The following MTERF2 variants were observed in gnomAD, a reference collection of about 807,000 sequenced individuals.
The protein encoded by MTERF2 is mitochondrial transcription termination factor 2.
MTERF2 carries 23 observed loss-of-function variants against 29.2 expected under a neutral mutation model. The observed-to-expected ratio is 0.79, with a 90% CI of 0.57 to 1.12. The LOEUF (loss-of-function observed/expected upper bound fraction) is 1.12, where lower values mean the gene tolerates loss of function less well. Ranked by LOEUF, MTERF2 falls within the 50% of genes most tolerant of loss-of-function variation. The pLI, the probability that MTERF2 is intolerant of heterozygous loss-of-function variation, is 0.00. For missense variants in MTERF2, 440 were observed against 429.4 expected (o/e 1.02, Z -0.22); for synonymous variants, 157 against 159.5 (o/e 0.98, Z 0.12).
chr12:106,978,264 G>C lies in MTERF2; in HGVS notation c.451C>G (p.Leu151Val). Residue 151 changes from leucine (L) to valine (V), a missense_variant, in exon 3 of 3, where the codon CTG becomes GTG. Physicochemically the swap from Leu to Val is conservative, Grantham distance 32. Transcript: ENST00000240050. ...FTIKDQENQKLNVQFFQELGL... is the reference protein window; with the variant it reads ...FTIKDQENQKVNVQFFQELGL... ...AACTCTTGAAAGAACTGAACATTCA[G>C]CTTCTGGTTCTCTTGGTCTTTAATA... is the stretch of plus-strand genomic sequence containing the variant. 1 of 1,613,980 alleles carries C rather than the reference G, an allele frequency of 6.2e-7. No individual in the cohort carries two copies. The highest frequency in any genetic ancestry group is 1.3e-5 in the African/African-American group (1 of 75,034).
At chr12:106,980,096 C>T (rs1164139404) in intron 2 of MTERF2, among the ~76,000 whole-genome samples, 1 of 152,086 alleles carries the variant, frequency 6.6e-6, no homozygotes, top group Non-Finnish European at 1.5e-5. Context: ...CGAGGTTTCA[C>T]CATGTTGGCC....
chr12:106,984,549 C>T (rs1952088494), intron 2 of MTERF2, among the ~76,000 whole-genome samples: 1 of 152,124 alleles, frequency 6.6e-6, no homozygotes, highest in African/African-American at 2.4e-5. Flanking sequence ...TGTGGTTTGG[C>T]TGTGTCCCCA....
intron 1 of MTERF2, chr12:106,985,769 C>A (rs1015506293): frequency 6.6e-6 from 1 of 152,268 alleles, no homozygotes; most frequent in Non-Finnish European, 1.5e-5. Context: ...ACTTATTATG[C>A]TCTTACAAGT....
Position 106,978,177 on chromosome 12 carries a change from G to A in MTERF2, c.538C>T (p.Pro180Ser), listed in dbSNP as rs1306924457. 6.2e-7 allele frequency: 1 copy of A among 1,613,956 alleles called. No individual in the cohort carries two copies. The highest frequency in any genetic ancestry group is 1.3e-5 in the African/African-American group (1 of 75,020). ...LTAAPNVFHN[P>S]VEKNKQMVRI... ...ACCATTTGCTTATTCTTCTCAACAG[G>A]ATTATGAAAAACATTAGGTGCAGCT... The change falls in exon 3 of 3, where the codon CCT becomes TCT. Residue 180 changes from proline to serine, a missense_variant. Transcript: ENST00000240050.
rs1485879653 is a variant in MTERF2, at chr12:106,978,331, C to T, written c.384G>A (p.Glu128=). Residue 128 remains glutamate (E), a synonymous_variant, in exon 3 of 3, where the codon GAG becomes GAA. Coordinates refer to ENST00000240050, the MANE Select transcript of MTERF2 (RefSeq NM_001033050.3). ...LWQLVCKNEE[E]LIKLIEQFPE... is the part of the protein sequence containing the mutation. Reference sequence around the variant, plus strand: ...GAAACTGCTCTATTAACTTGATTAACTCTTCCTCATTTTTGCAGACCAACT... The same window carrying T: ...GAAACTGCTCTATTAACTTGATTAATTCTTCCTCATTTTTGCAGACCAACT... The T allele has an allele frequency of 6.2e-7, 1 of 1,614,206 alleles. No homozygotes were observed. The highest frequency in any genetic ancestry group is 8.5e-7 in the Non-Finnish European group (1 of 1,180,046).
chr12:106,977,906 G>T lies in MTERF2; in HGVS notation c.809C>A (p.Ser270Tyr). The T allele has an allele frequency of 6.2e-7, 1 of 1,614,002 alleles. No individual in the cohort carries two copies. The highest frequency in any genetic ancestry group is 8.5e-7 in the Non-Finnish European group (1 of 1,179,994). The change falls in exon 3 of 3, where the codon TCT becomes TAT. Residue 270 changes from serine (S) to tyrosine (Y), a missense_variant. By Grantham distance (144) the Ser-to-Tyr change is moderately radical. Coordinates refer to ENST00000240050, the MANE Select transcript of MTERF2 (RefSeq NM_001033050.3). ...PRSIQNSISF[S>Y]KNAFKCTDHD... is the part of the protein sequence containing the mutation. ...ATCTGTGCATTTAAAAGCATTTTTA[G>T]AGAAGGAAATACTATTCTGTATACT...
chr12:106,978,697 C>T lies in MTERF2; in HGVS notation c.18G>A (p.Leu6=), dbSNP rs1952021004. MLWKL[L]LRSQSCRLCS... ...ACAGCCTGCAGGACTGGGATCTCAGCAGCAGCTTCCACAACATGGCTGCAA... is the reference window on the plus strand; with the variant it reads ...ACAGCCTGCAGGACTGGGATCTCAGTAGCAGCTTCCACAACATGGCTGCAA... The change falls in exon 3 of 3, where the codon CTG becomes CTA. Residue 6 remains leucine, a synonymous_variant. Coordinates refer to ENST00000240050, the MANE Select transcript of MTERF2 (RefSeq NM_001033050.3). The T allele has an allele frequency of 6.2e-7, 1 of 1,613,204 alleles. No homozygotes were observed.
chr12:106,978,271 G>C lies in MTERF2; in HGVS notation c.444C>G (p.Asn148Lys), dbSNP rs754104502. 4 of 1,613,976 alleles carry C rather than the reference G, an allele frequency of 2.5e-6. No individual in the cohort carries two copies. The Admixed American group carries it at 6.7e-5, about 27-fold the overall frequency. ...GAAAGAACTGAACATTCAGCTTCTG[G>C]TTCTCTTGGTCTTTAATAGTAAAGA... ...ESFFTIKDQE[N>K]QKLNVQFFQE... is the part of the protein sequence containing the mutation. Residue 148 changes from asparagine (N) to lysine (K), a missense_variant, in exon 3 of 3, where the codon AAC (asparagine) becomes AAG (lysine). Coordinates refer to ENST00000240050, the MANE Select transcript of MTERF2 (RefSeq NM_001033050.3).
At chr12:106,979,556 A>T (rs1296799543) in intron 2 of MTERF2, among the ~76,000 whole-genome samples, 1 of 152,228 alleles carries the variant, frequency 6.6e-6, no homozygotes, top group Non-Finnish European at 1.5e-5. Context: ...CTTGGCCAAC[A>T]TGGTGAAACC....
At chr12:106,980,112 G>A (rs1042358438) in intron 2 of MTERF2, among the ~76,000 whole-genome samples, 1 of 152,042 alleles carries the variant, frequency 6.6e-6, no homozygotes, top group Non-Finnish European at 1.5e-5. Flanking sequence ...TGGCCAGGAT[G>A]GTCTCGATCT....
intron 2 of MTERF2, among the ~76,000 whole-genome samples, chr12:106,980,124 T>C (rs1056985428): frequency 2.0e-5 from 3 of 152,108 alleles, no homozygotes; most frequent in African/African-American, 7.2e-5. Flanking sequence ...TCTCGATCTC[T>C]TGACCTCGTG....
Position 106,978,492 on chromosome 12 carries a change from T to C in MTERF2, c.223A>G (p.Thr75Ala). 1 of 1,614,238 alleles carries C rather than the reference T, an allele frequency of 6.2e-7. No homozygotes were observed. ...ATATTCGCAATTTCTTCAACATAGG[T>C]TTCATCCTCTAAAAGTACCCATCCT... ...LKGWVLLEDE[T>A]YVEEIANILQ... The change falls in exon 3 of 3, where the codon ACC (threonine) becomes GCC (alanine). Residue 75 changes from threonine to alanine, a missense_variant. Coordinates refer to ENST00000240050, the MANE Select transcript of MTERF2 (RefSeq NM_001033050.3).
At chr12:106,985,474 G>A (rs1952100540) in intron 1 of MTERF2, 1 of 152,254 alleles carries the variant, frequency 6.6e-6, no homozygotes, top group Non-Finnish European at 1.5e-5. Context: ...ACTTTCTCAA[G>A]GAAACTTTTC....
rs1019908661 is a variant in MTERF2 at position 106,978,368 on chromosome 12, C to G, written c.347G>C (p.Arg116Thr). 4.3e-6 allele frequency: 7 copies of G among 1,614,050 alleles called. No individual in the cohort carries two copies. The Middle Eastern group carries it at 4.9e-4, about 114-fold the overall frequency. Residue 116 changes from arginine (R) to threonine (T), a missense_variant, in exon 3 of 3, where the codon AGA becomes ACA. Physicochemically the swap from Arg to Thr is moderately conservative, Grantham distance 71. Transcript: ENST00000240050. ...TTTGCAGACCAACTGCCAGAGTTTT[C>G]TCTGGGTGTTAACAGCGGTTGGACT... The part of the protein sequence containing the change: ...VCSPTAVNTQ[R>T]KLWQLVCKNE...
rs1354758517 is a variant in MTERF2, at chr12:106,987,113, G to C, written c.-313C>G. ...CGGTCCTCGGTCTCAAGAAGCTCCC[G>C]ACAGTTCTCAGCAGCGCCAACCAGG... On this transcript the variant is annotated 5_prime_UTR_variant, in exon 1 of 3. Coordinates refer to ENST00000240050, the MANE Select transcript of MTERF2 (RefSeq NM_001033050.3). 6.6e-6 allele frequency: 1 copy of C among 152,406 alleles called. No individual in the cohort carries two copies. The highest frequency in any genetic ancestry group is 2.4e-5 in the African/African-American group (1 of 41,462). The allele number at this position is 152,406 out of a possible 1,614,324, so 9.4% of individuals were successfully genotyped here.
At chr12:106,984,381 A>C (rs897070716) in intron 2 of MTERF2, among the ~76,000 whole-genome samples, 1 of 152,192 alleles carries the variant, frequency 6.6e-6, no homozygotes, top group African/African-American at 2.4e-5. Context: ...CTTGCGATAA[A>C]GATAACTTTC....
chr12:106,981,427 A>G (rs777452475), intron 2 of MTERF2, among the ~76,000 whole-genome samples: 6 of 152,362 alleles, frequency 3.9e-5, no homozygotes, highest in Non-Finnish European at 8.8e-5. Flanking sequence ...CTGGAGCTAG[A>G]AGTCTTGTAG....
At chr12:106,980,710 AG>A (rs1952044459) in intron 2 of MTERF2, 2 of 152,330 alleles carry the variant, frequency 1.3e-5, no homozygotes, top group Admixed American at 1.3e-4. Context: ...CACTCTTTAC[AG>A]GTCTGAAAGA....
chr12:106,979,233 G>GCA (rs1329686303), intron 2 of MTERF2, among the ~76,000 whole-genome samples: 3 of 151,890 alleles, frequency 2.0e-5, no homozygotes, highest in African/African-American at 4.8e-5. Flanking sequence ...CCTGTATTAT[G>GCA]CACACACACA....
Sources: allele counts gnomAD v4.1 joint callset (sites outside exome capture counted in the v4.1 genomes callset), GRCh38; gene constraint gnomAD v4.1.1; transcripts MANE v1.5; gene names NCBI Gene and HGNC (gene_info 2026-07-23, HGNC 2026-07-21).